Variants in OR2L13 observed in about 807,000 individuals in gnomAD.
The protein encoded by OR2L13 is olfactory receptor family 2 subfamily L member 13.
Under a neutral mutation model 15.3 loss-of-function variants are expected in OR2L13, and 14 were observed. The observed-to-expected ratio is 0.91, with a 90% CI of 0.60 to 1.43. The LOEUF is 1.43. Among genes scored for constraint, OR2L13 ranks in the 40% most tolerant of loss-of-function variants. OR2L13 has a pLI of 0.00. For missense variants in OR2L13, 367 were observed against 387.9 expected, an observed-to-expected ratio of 0.95 and a Z score of 0.45; for synonymous variants, 152 against 142.9, an observed-to-expected ratio of 1.06 and a Z score of -0.45.
chr1:248,017,027 G>A, the OR2L13 span, among the ~76,000 whole-genome samples: 3 of 152,310 alleles, frequency 2.0e-5, no homozygotes, highest in Non-Finnish European at 1.5e-5. Context: ...TTCCTTTCAT[G>A]TATGATGCCT....
upstream of OR2L13, among the ~76,000 whole-genome samples, chr1:248,090,406 A>G (rs1472268904): frequency 6.6e-6 from 1 of 152,162 alleles, no homozygotes; most frequent in Non-Finnish European, 1.5e-5. Flanking sequence ...GGTAATAAGC[A>G]TAGTACCCAG....
chr1:247,959,885 G>A, the OR2L13 span, among the ~76,000 whole-genome samples: 2 of 152,018 alleles, frequency 1.3e-5, no homozygotes, highest in Admixed American at 6.6e-5. Flanking sequence ...CAATGGGTTC[G>A]AACTTCCTCC....
chr1:248,092,347 C>A (rs893125649), upstream of OR2L13, among the ~76,000 whole-genome samples: 1 of 152,076 alleles, frequency 6.6e-6, no homozygotes, highest in Non-Finnish European at 1.5e-5. Context: ...TACCTAACAA[C>A]ATAATGTCAA....
the OR2L13 span, chr1:248,003,438 T>C: frequency 1.2e-6 from 2 of 1,610,132 alleles, no homozygotes; most frequent in East Asian, 4.5e-5. Flanking sequence ...AGTTTCTTCT[T>C]CACGACTTTA....
At chr1:248,002,004 C>A in the OR2L13 span, among the ~76,000 whole-genome samples, 12 of 151,980 alleles carry the variant, frequency 7.9e-5, no homozygotes, top group Non-Finnish European at 1.6e-4. Context: ...CAATAATTAA[C>A]CAATAATATA....
At chr1:248,030,589 G>A in the OR2L13 span, among the ~76,000 whole-genome samples, 1 of 152,092 alleles carries the variant, frequency 6.6e-6, no homozygotes, top group Non-Finnish European at 1.5e-5. Context: ...GTACCTACTT[G>A]GTTGGTGTTT....
chr1:248,089,103 G>A, the OR2L13 span, among the ~76,000 whole-genome samples: 1 of 152,042 alleles, frequency 6.6e-6, no homozygotes, highest in Non-Finnish European at 1.5e-5. Context: ...ACCTGATTTG[G>A]ATACAAACTT....
At chr1:248,056,761 C>T in the OR2L13 span, among the ~76,000 whole-genome samples, 1 of 149,952 alleles carries the variant, frequency 6.7e-6, no homozygotes, top group African/African-American at 2.5e-5. Flanking sequence ...AATTCTCCTG[C>T]CTCGGCCTCT....
chr1:247,990,508 T>C, the OR2L13 span: 10 of 1,574,678 alleles, frequency 6.4e-6, no homozygotes, highest in East Asian at 4.5e-5. Context: ...CCTAAGATGG[T>C]TTATGATTTT....
chr1:248,099,845 C>A, exon 3 of OR2L13: 1 of 1,613,992 alleles, frequency 6.2e-7, no homozygotes, highest in Non-Finnish European at 8.5e-7. Context: ...AACTCCTTGG[C>A]ACACACAGTC....
At chr1:248,095,911 C>A (rs1304902865), upstream of OR2L13, among the ~76,000 whole-genome samples, 1 of 151,256 alleles carries the variant, frequency 6.6e-6, no homozygotes, top group Non-Finnish European at 1.5e-5. Flanking sequence ...GGCCATAAAA[C>A]TGCTTTTTAT....
chr1:248,073,823 A>T, the OR2L13 span, among the ~76,000 whole-genome samples: 4 of 151,914 alleles, frequency 2.6e-5, no homozygotes, highest in African/African-American at 9.7e-5. Flanking sequence ...TTATACACTT[A>T]AAAACCACAA....
At chr1:248,017,939 C>T in the OR2L13 span, among the ~76,000 whole-genome samples, 2 of 152,022 alleles carry the variant, frequency 1.3e-5, no homozygotes, top group East Asian at 3.9e-4. Flanking sequence ...ACATTCGTAT[C>T]GAGACCATCC....
chr1:247,938,736 T>C, the OR2L13 span, among the ~76,000 whole-genome samples: 2 of 152,194 alleles, frequency 1.3e-5, no homozygotes, highest in Admixed American at 6.5e-5. Context: ...CAGTGTGGGA[T>C]TGTAAAGCAT....
At chr1:248,028,855 A>G in the OR2L13 span, among the ~76,000 whole-genome samples, 1 of 152,202 alleles carries the variant, frequency 6.6e-6, no homozygotes, top group African/African-American at 2.4e-5. Context: ...TCAAATAAGG[A>G]GTCTTACCTC....
At chr1:248,069,482 C>G in the OR2L13 span, among the ~76,000 whole-genome samples, 2 of 152,174 alleles carry the variant, frequency 1.3e-5, no homozygotes, top group African/African-American at 4.8e-5. Flanking sequence ...TAGCACTAAA[C>G]ATGGAAAGGA....
the OR2L13 span, chr1:247,965,729 T>C: frequency 2.1e-5 from 32 of 1,559,506 alleles, no homozygotes; most frequent in Non-Finnish European, 2.5e-5. Context: ...CTTGGTTTTA[T>C]GTCTTATGAT....
the OR2L13 span, among the ~76,000 whole-genome samples, chr1:247,988,138 A>AT: frequency 1.3e-3 from 196 of 149,594 alleles, no homozygotes; most frequent in African/African-American, 4.2e-3. Flanking sequence ...AGTTCTGAGA[A>AT]TTTTTTTTTT....
the OR2L13 span, among the ~76,000 whole-genome samples, chr1:248,045,296 C>G: frequency 6.6e-6 from 1 of 152,168 alleles, no homozygotes; most frequent in African/African-American, 2.4e-5. Flanking sequence ...TTGACCTACT[C>G]TATGCTTGGT....
Sources: allele counts gnomAD v4.1 joint callset (sites outside exome capture counted in the v4.1 genomes callset), GRCh38; gene constraint gnomAD v4.1.1; transcripts MANE v1.5; gene names NCBI Gene and HGNC (gene_info 2026-07-23, HGNC 2026-07-21).